TSHR: variants seen among roughly 807,000 people sequenced by gnomAD.
The protein encoded by TSHR is thyrotropin receptor.
A neutral mutation model predicts 64.1 loss-of-function variants in TSHR; 51 were observed. That is an observed-to-expected ratio of 0.80 (90% CI 0.64 to 1.01). The LOEUF is 1.01. Ranked by LOEUF, TSHR falls within the 50% of genes least tolerant of loss-of-function variation. The pLI, the probability that TSHR is intolerant of heterozygous loss-of-function variation, is 0.00. For synonymous variants in TSHR, 361 were observed against 361.9 expected (o/e 1.00, Z 0.03); for missense variants, 877 against 942.8 (o/e 0.93, Z 0.91).
intron 8 of TSHR, among the ~76,000 whole-genome samples, chr14:81,118,492 G>T (rs1890631847): frequency 6.7e-6 from 1 of 148,604 alleles, no homozygotes; most frequent in Admixed American, 6.7e-5. Flanking sequence ...CCTCTTCAAG[G>T]AGAACTACAA....
intron 6 of TSHR, among the ~76,000 whole-genome samples, chr14:81,095,014 T>A (rs1000790055): frequency 1.3e-5 from 2 of 152,124 alleles, no homozygotes; most frequent in African/African-American, 2.4e-5. Flanking sequence ...CAGGTCTAAT[T>A]CCAAATTTGA....
chr14:81,038,120 A>G (rs1364554921), intron 1 of TSHR, among the ~76,000 whole-genome samples: 1 of 152,090 alleles, frequency 6.6e-6, no homozygotes, highest in Non-Finnish European at 1.5e-5. Flanking sequence ...AAAAATCAAA[A>G]GCATATTAAG....
At position 81,097,723 on chromosome 14, in the gene TSHR, TTAAATGG is replaced by T. The variant is rs201167886; in HGVS notation, c.614+1028_614+1034del. ...GGTAGGTTCTGGAACAATTCCATTT[TTAAATGG>T]TAAATGGTAAAAAGGTGTTTGAACT... On this transcript the variant is annotated intron_variant, in intron 7 of 9. Transcript: ENST00000298171. Among the ~76,000 whole-genome samples, 818 of 152,294 alleles carry T rather than the reference TTAAATGG, an allele frequency of 5.4e-3. 8 individuals carry two copies. Among genetic ancestry groups the T allele is most frequent in the African/African-American group, 0.019 (777 of 41,540 alleles).
At chr14:80,976,881 A>G (rs1022547613) in intron 1 of TSHR, among the ~76,000 whole-genome samples, 8 of 152,244 alleles carry the variant, frequency 5.3e-5, no homozygotes, top group African/African-American at 1.9e-4. Context: ...TCCCAGACCA[A>G]TATATTCTTC....
At chr14:81,133,901 C>T (rs550130287) in intron 8 of TSHR, among the ~76,000 whole-genome samples, 68 of 152,198 alleles carry the variant, frequency 4.5e-4, no homozygotes, top group African/African-American at 1.4e-3. Context: ...ATCACTATAA[C>T]AATCATGATA....
chr14:81,092,472 C>G, intron 5 of TSHR, 59 bp from the exon 6 acceptor site: 1 of 1,444,934 alleles, frequency 6.9e-7, no homozygotes, highest in South Asian at 1.1e-5. Context: ...CGCAGCAAGA[C>G]CCCTGCTGCA....
chr14:81,116,905 A>T (rs1249976159), intron 8 of TSHR, among the ~76,000 whole-genome samples: 1 of 146,214 alleles, frequency 6.8e-6, no homozygotes, highest in Admixed American at 6.8e-5. Flanking sequence ...ACTACATGGA[A>T]ACTGAACAAC....
At chr14:81,072,821 C>T (rs1415150466) in intron 3 of TSHR, among the ~76,000 whole-genome samples, 1 of 136,248 alleles carries the variant, frequency 7.3e-6, no homozygotes, top group Admixed American at 7.0e-5. Context: ...AACGGTGAAA[C>T]CCCGTCTCTA....
At chr14:80,996,993 C>T (rs1397969464) in intron 1 of TSHR, among the ~76,000 whole-genome samples, 1 of 152,070 alleles carries the variant, frequency 6.6e-6, no homozygotes, top group Non-Finnish European at 1.5e-5. Context: ...GTTATTATTA[C>T]TACTACTACT....
chr14:81,094,625 T>A (rs1264292475), intron 6 of TSHR, among the ~76,000 whole-genome samples: 1 of 151,342 alleles, frequency 6.6e-6, no homozygotes, highest in Non-Finnish European at 1.5e-5. Flanking sequence ...TTCCCACAAC[T>A]ATATAGGATA....
chr14:81,057,377 C>T (rs998695365), intron 1 of TSHR, among the ~76,000 whole-genome samples: 1 of 152,058 alleles, frequency 6.6e-6, no homozygotes, highest in Non-Finnish European at 1.5e-5. Flanking sequence ...CACCACTGTG[C>T]TCCAGCCTGG....
chr14:81,024,066 A>T (rs932341930), intron 1 of TSHR, among the ~76,000 whole-genome samples: 11 of 152,142 alleles, frequency 7.2e-5, no homozygotes, highest in Non-Finnish European at 1.2e-4. Context: ...GGTTGGCAAA[A>T]CCTGATTCTC....
chr14:81,062,249 G>A (rs750780126), intron 2 of TSHR, 30 bp downstream of exon 2: 2 of 1,543,230 alleles, frequency 1.3e-6, no homozygotes, highest in Admixed American at 3.4e-5. Context: ...AGAAAAGTTT[G>A]CATTTGTGAT....
chr14:81,113,162 G>C (rs1890303883), intron 8 of TSHR, among the ~76,000 whole-genome samples: 1 of 152,224 alleles, frequency 6.6e-6, no homozygotes, highest in Non-Finnish European at 1.5e-5. Flanking sequence ...ATATAGGCAT[G>C]AGATGAAAGT....
intron 1 of TSHR, chr14:80,981,908 A>G (rs1338971328): frequency 3.9e-5 from 8 of 207,408 alleles, no homozygotes; most frequent in Non-Finnish European, 6.5e-5. Context: ...TGACACAGTG[A>G]AAGAGTATTA....
At chr14:81,120,030 G>T (rs1384998455) in intron 8 of TSHR, among the ~76,000 whole-genome samples, 1 of 109,352 alleles carries the variant, frequency 9.1e-6, no homozygotes, top group Non-Finnish European at 1.8e-5. Flanking sequence ...GGACTGTTGT[G>T]GGGTGGGGGG....
chr14:81,090,020 G>T (rs1010655047), intron 4 of TSHR, among the ~76,000 whole-genome samples: 2 of 151,172 alleles, frequency 1.3e-5, no homozygotes, highest in African/African-American at 4.9e-5. Flanking sequence ...GTAGTGTCTA[G>T]ATCTCACTCT....
In TSHR at chr14:81,082,346, C is replaced by A. The variant is rs557083415; in HGVS notation, c.318-5608C>A. On this transcript the variant is annotated intron_variant, in intron 3 of 9. Coordinates refer to ENST00000298171, the MANE Select transcript of TSHR (RefSeq NM_000369.5). ...AGAGCAAAACCTAGATAATGAACATCTAGGTTGCTTGGCAACGGTCATGTG... is the reference window on the plus strand; with the variant it reads ...AGAGCAAAACCTAGATAATGAACATATAGGTTGCTTGGCAACGGTCATGTG... 2.0e-5 allele frequency among the ~76,000 whole-genome samples: 3 copies of A among 152,302 alleles called. No homozygotes were observed. In the East Asian group the frequency reaches 5.8e-4, roughly 29 times the overall value.
intron 1 of TSHR, among the ~76,000 whole-genome samples, chr14:80,987,302 G>A (rs980397471): frequency 3.9e-5 from 6 of 152,102 alleles, no homozygotes; most frequent in Non-Finnish European, 7.4e-5. Flanking sequence ...CCCCCATGAG[G>A]CAATTTGCTA....
Sources: allele counts gnomAD v4.1 joint callset (sites outside exome capture counted in the v4.1 genomes callset), GRCh38; gene constraint gnomAD v4.1.1; transcripts MANE v1.5; gene names NCBI Gene and HGNC (gene_info 2026-07-23, HGNC 2026-07-21).